NTNG1: variants seen among roughly 807,000 people sequenced by gnomAD.
NTNG1 encodes the protein netrin G1, also known as netrin-G1.
A neutral mutation model predicts 54.0 loss-of-function variants in NTNG1; 16 were observed. The observed-to-expected ratio is 0.30, with a 90% CI of 0.20 to 0.45. The LOEUF (loss-of-function observed/expected upper bound fraction) is 0.45, where lower values mean the gene tolerates loss of function less well. NTNG1 is among the 20% of genes least tolerant of loss of function. The probability of loss-of-function intolerance (pLI) is 1.00; values close to 1 mark genes in which losing one functional copy is unlikely to be tolerated. For synonymous variants in NTNG1, 255 were observed against 263.1 expected (o/e 0.97, Z 0.30); for missense variants, 530 against 678.7 (o/e 0.78, Z 2.43).
At chr1:107,178,686 A>G (rs1327241830) in intron 2 of NTNG1, among the ~76,000 whole-genome samples, 5 of 152,148 alleles carry the variant, frequency 3.3e-5, no homozygotes, top group Non-Finnish European at 7.3e-5. Context: ...AGTTAAAAAT[A>G]TTTTTGTCCA....
At chr1:107,256,539 G>C (rs971762149) in intron 2 of NTNG1, among the ~76,000 whole-genome samples, 1 of 152,198 alleles carries the variant, frequency 6.6e-6, no homozygotes, top group Admixed American at 6.5e-5. Context: ...CGAAGTTAGC[G>C]TAACAGAGCC....
intron 2 of NTNG1, among the ~76,000 whole-genome samples, chr1:107,195,883 C>T (rs1658280570): frequency 6.6e-6 from 1 of 151,980 alleles, no homozygotes; most frequent in African/African-American, 2.4e-5. Flanking sequence ...CCCTCTTTCT[C>T]ACCCTGTGCC....
At chr1:107,476,049 A>G (rs1441759655) in intron 7 of NTNG1, among the ~76,000 whole-genome samples, 1 of 152,210 alleles carries the variant, frequency 6.6e-6, no homozygotes, top group Non-Finnish European at 1.5e-5. Context: ...TCAATCAAGA[A>G]CATGCAATGT....
rs763000295 is a variant in NTNG1, at chr1:107,272,543, G to A, written c.247-51739G>A. Reference sequence around the variant, plus strand: ...CAGTGAATTCCCACAGGTACGTGGCGCAAGATGGGAACTTCTCTTGGGAAG... The same window carrying A: ...CAGTGAATTCCCACAGGTACGTGGCACAAGATGGGAACTTCTCTTGGGAAG... On this transcript the variant is annotated intron_variant, in intron 2 of 7. Coordinates refer to ENST00000370068, the MANE Select transcript of NTNG1 (RefSeq NM_001113226.3). Among the ~76,000 whole-genome samples, 13 of 152,082 alleles carry A rather than the reference G, an allele frequency of 8.5e-5. No individual in the cohort carries two copies. The South Asian group carries it at 1.0e-3, about 12-fold the overall frequency.
intron 2 of NTNG1, among the ~76,000 whole-genome samples, chr1:107,318,507 A>G (rs1358279271): frequency 6.6e-6 from 1 of 151,454 alleles, no homozygotes; most frequent in Admixed American, 6.6e-5. Context: ...AGCTATGGTA[A>G]GAACAAATCT....
intron 3 of NTNG1, among the ~76,000 whole-genome samples, chr1:107,366,164 G>A (rs1469075744): frequency 6.6e-6 from 1 of 152,134 alleles, no homozygotes; most frequent in Non-Finnish European, 1.5e-5. Flanking sequence ...TTGTAACCAT[G>A]TCCACTCAGA....
intron 2 of NTNG1, among the ~76,000 whole-genome samples, chr1:107,251,772 G>C (rs1206571643): frequency 6.6e-6 from 1 of 152,100 alleles, no homozygotes; most frequent in African/African-American, 2.4e-5. Flanking sequence ...TCTCACTGTT[G>C]TCTTACTGTT....
At chr1:107,284,642 A>G (rs1024179928) in intron 2 of NTNG1, among the ~76,000 whole-genome samples, 2 of 152,138 alleles carry the variant, frequency 1.3e-5, no homozygotes, top group African/African-American at 4.8e-5. Flanking sequence ...AATTATATAT[A>G]TACTATAATC....
intron 2 of NTNG1, among the ~76,000 whole-genome samples, chr1:107,292,151 C>T (rs1167476581): frequency 6.6e-6 from 1 of 152,156 alleles, no homozygotes; most frequent in Non-Finnish European, 1.5e-5. Flanking sequence ...AATGGTCACT[C>T]ACATTCCCTG....
At chr1:107,464,216 G>T (rs1261455197) in intron 7 of NTNG1, among the ~76,000 whole-genome samples, 1 of 152,122 alleles carries the variant, frequency 6.6e-6, no homozygotes, top group Non-Finnish European at 1.5e-5. Flanking sequence ...GCTTTGTCTT[G>T]TTAAAGCCAG....
At chr1:107,275,515 C>T (rs937226778) in intron 2 of NTNG1, among the ~76,000 whole-genome samples, 3 of 152,172 alleles carry the variant, frequency 2.0e-5, no homozygotes, top group African/African-American at 7.2e-5. Flanking sequence ...TGTGTAGCTC[C>T]AGTCTGAGTC....
intron 3 of NTNG1, among the ~76,000 whole-genome samples, chr1:107,339,744 G>A (rs530956135): frequency 1.0e-3 from 158 of 152,128 alleles, no homozygotes; most frequent in African/African-American, 3.6e-3. Context: ...CTGTAACATG[G>A]AAAATAATAT....
At chr1:107,200,664 C>T (rs1658681415) in intron 2 of NTNG1, among the ~76,000 whole-genome samples, 2 of 151,678 alleles carry the variant, frequency 1.3e-5, no homozygotes, top group South Asian at 2.1e-4. Context: ...CACTGGTTGC[C>T]CTTTGATCAT....
chr1:107,341,629 T>A (rs1056814182), intron 3 of NTNG1, among the ~76,000 whole-genome samples: 5 of 152,070 alleles, frequency 3.3e-5, no homozygotes, highest in African/African-American at 1.2e-4. Flanking sequence ...TTATAAAAGA[T>A]TCATTGGCTC....
chr1:107,463,692 G>A (rs1233539240), intron 7 of NTNG1, among the ~76,000 whole-genome samples: 1 of 151,978 alleles, frequency 6.6e-6, no homozygotes, highest in Non-Finnish European at 1.5e-5. Context: ...GAACCAAAAT[G>A]TACTTGTGGC....
intron 2 of NTNG1, among the ~76,000 whole-genome samples, chr1:107,305,706 T>C (rs973151106): frequency 6.6e-6 from 1 of 152,164 alleles, no homozygotes; most frequent in South Asian, 2.1e-4. Context: ...TTCACTCTGA[T>C]GATAGTTTCT....
intron 6 of NTNG1, among the ~76,000 whole-genome samples, chr1:107,435,240 CATT>C (rs1675524861): frequency 6.6e-6 from 1 of 151,798 alleles, no homozygotes; most frequent in Non-Finnish European, 1.5e-5. Flanking sequence ...TACAGACAAA[CATT>C]AAAAGCTTTC....
chr1:107,325,227 G>C (rs567394159), intron 3 of NTNG1, among the ~76,000 whole-genome samples: 3 of 152,086 alleles, frequency 2.0e-5, no homozygotes, highest in African/African-American at 7.2e-5. Flanking sequence ...GCCAGGGGAA[G>C]CAAAACCATT....
Position 107,480,763 on chromosome 1 carries a change from G to T in NTNG1, c.1543G>T (p.Gly515Cys), listed in dbSNP as rs1235580054. Residue 515 changes from glycine to cysteine, a missense_variant, in exon 8 of 8, where the codon GGC becomes TGC. Around this residue, in one of 2 missense-constraint regions of NTNG1, gnomAD observed 212 missense variants for 213.6 expected, o/e 0.99. Coordinates refer to ENST00000370068, the MANE Select transcript of NTNG1 (RefSeq NM_001113226.3). ...AGSCGSDSGQGAPPHGSPALL... is the reference protein window; with the variant it reads ...AGSCGSDSGQCAPPHGSPALL... Reference sequence around the variant, plus strand: ...CAGCTGCGGCTCCGACTCTGGCCAGGGCGCGCCCCCGCACGGCTCCCCAGC... The same window carrying T: ...CAGCTGCGGCTCCGACTCTGGCCAGTGCGCGCCCCCGCACGGCTCCCCAGC... The T allele has an allele frequency of 6.2e-7, 1 of 1,605,454 alleles. No individual in the cohort carries two copies. The highest frequency in any genetic ancestry group is 8.5e-7 in the Non-Finnish European group (1 of 1,177,464).
Sources: gnomAD v4.1 joint callset for allele counts (sites outside exome capture counted in the v4.1 genomes callset) on GRCh38, gnomAD v4.1.1 for gene constraint, gnomAD v4.1.1 regional missense constraint, MANE v1.5 for transcripts, NCBI Gene and HGNC (gene_info 2026-07-23, HGNC 2026-07-21) for gene names.